MCTP2: variants seen among roughly 807,000 people sequenced by gnomAD.
MCTP2 encodes the protein multiple C2 and transmembrane domain-containing protein 2.
A neutral mutation model predicts 111.6 loss-of-function variants in MCTP2; 132 were observed. The observed-to-expected ratio is 1.18, with a 90% confidence interval of 1.03 to 1.37. MCTP2 has a LOEUF of 1.37. Among genes scored for constraint, MCTP2 ranks in the 40% most tolerant of loss-of-function variants. The probability of loss-of-function intolerance (pLI) is 0.00; values close to 1 mark genes in which losing one functional copy is unlikely to be tolerated. For synonymous variants in MCTP2, 395 were observed against 387.7 expected (o/e 1.02, Z -0.22); for missense variants, 1,183 against 1,067.9 (o/e 1.11, Z -1.50).
rs1450048196 is a variant in MCTP2, at chr15:94,385,529, A to G, written c.1788+4A>G. On this transcript the variant is annotated splice_donor_region_variant and intron_variant, in intron 14 of 22. Transcript: ENST00000357742. ...AGTTGCCATTCCCTTGCTGTCCGTA[A>G]GTTTCCTTTATTAATAAACAATTTG... 1 of 1,587,522 alleles carries G rather than the reference A, an allele frequency of 6.3e-7. No homozygotes were observed. The highest frequency in any genetic ancestry group is 1.3e-5 in the African/African-American group (1 of 74,352).
At chr15:94,245,529 TATAC>T (rs1464554899) in intron 1 of MCTP2, among the ~76,000 whole-genome samples, 10 of 142,122 alleles carry the variant, frequency 7.0e-5, no homozygotes, top group East Asian at 2.0e-4. Context: ...TATATATTTA[TATAC>T]ATACATGTAT....
In MCTP2 at chr15:94,281,371, A is replaced by G. The variant is rs188589165; in HGVS notation, c.-65-16830A>G. ...GTGCACTCTGTTTTGTCTGGAAAAA[A>G]ATAGGAACCCCTGCTTCTTTTGTTT... On this transcript the variant is annotated intron_variant, in intron 1 of 22. Transcript: ENST00000357742. Among the ~76,000 whole-genome samples the G allele has an allele frequency of 3.9e-5, 6 of 152,224 alleles. No homozygotes were observed. The East Asian group carries it at 1.2e-3, about 29-fold the overall frequency.
At chr15:94,418,978 A>G (rs1423115457) in intron 17 of MCTP2, among the ~76,000 whole-genome samples, 2 of 152,174 alleles carry the variant, frequency 1.3e-5, no homozygotes, top group East Asian at 3.8e-4. Flanking sequence ...TTTTATATGT[A>G]CTTTCTTTAA....
chr15:94,245,464 A>T (rs931607720), intron 1 of MCTP2, among the ~76,000 whole-genome samples: 1 of 140,028 alleles, frequency 7.1e-6, no homozygotes, highest in Admixed American at 7.4e-5. Flanking sequence ...ATGTATTTAT[A>T]TACATATATG....
intron 8 of MCTP2, among the ~76,000 whole-genome samples, chr15:94,349,457 A>G (rs2078178052): frequency 6.6e-6 from 1 of 152,196 alleles, no homozygotes; most frequent in African/African-American, 2.4e-5. Context: ...AGAAATGAGA[A>G]TTAGTGACGG....
chr15:94,354,172 C>A (rs1481711891), intron 8 of MCTP2, among the ~76,000 whole-genome samples: 3 of 151,892 alleles, frequency 2.0e-5, no homozygotes, highest in African/African-American at 7.3e-5. Flanking sequence ...GAGGATAGTT[C>A]TTTCTTTTTA....
At chr15:94,320,087 A>T (rs72767442) in intron 4 of MCTP2, among the ~76,000 whole-genome samples, 72,433 of 151,274 alleles carry the variant, frequency 0.48, 19,624 homozygotes, top group East Asian at 0.62. Flanking sequence ...GAAATGACTG[A>T]TCTGCTCTAT....
At chr15:94,402,680 C>T (rs944173849) in intron 17 of MCTP2, 2 of 1,487,914 alleles carry the variant, frequency 1.3e-6, no homozygotes, top group African/African-American at 2.8e-5. Context: ...CTTTATATCT[C>T]AGGGCATTTT....
chr15:94,410,143 C>G (rs192492237), intron 17 of MCTP2, among the ~76,000 whole-genome samples: 1 of 152,156 alleles, frequency 6.6e-6, no homozygotes, highest in Non-Finnish European at 1.5e-5. Context: ...TTACTGCTAT[C>G]TGATATAACT....
chr15:94,270,571 T>C (rs900351514), intron 1 of MCTP2, among the ~76,000 whole-genome samples: 1 of 152,100 alleles, frequency 6.6e-6, no homozygotes, highest in African/African-American at 2.4e-5. Flanking sequence ...TCTGGCTCTC[T>C]TCCAACCACA....
In MCTP2 at chr15:94,347,873, GTCTC is replaced by G. The variant is rs554879973; in HGVS notation, c.1005+2718_1005+2721del. On this transcript the variant is annotated intron_variant, in intron 8 of 22. Transcript: ENST00000357742. The stretch of plus-strand genomic sequence containing the variant: ...TGTGTTCAGAAACTGCACATATTCT[GTCTC>G]TCTCTCTCACACACACACAGACATA... 1.2e-3 allele frequency among the ~76,000 whole-genome samples: 177 copies of G among 148,296 alleles called. 1 individual carries two copies. Among genetic ancestry groups the G allele is most frequent in the East Asian group, 9.9e-4 (5 of 5,070 alleles).
chr15:94,298,041 A>T (rs150493812), intron 1 of MCTP2, among the ~76,000 whole-genome samples, 160 bp from the exon 2 acceptor site: 2,938 of 152,122 alleles, frequency 0.019, 66 homozygotes, highest in Admixed American at 0.059. Context: ...CCCAATATTT[A>T]TACAAGTTAC....
At chr15:94,398,144 C>T (rs2081374133) in intron 14 of MCTP2, among the ~76,000 whole-genome samples, 1 of 152,164 alleles carries the variant, frequency 6.6e-6, no homozygotes, top group South Asian at 2.1e-4. Context: ...CAAGAGAGGA[C>T]AGCAGAGAAA....
chr15:94,267,117 G>A lies in MCTP2; in HGVS notation c.-65-31084G>A, dbSNP rs575539082. On this transcript the variant is annotated intron_variant, in intron 1 of 22. Coordinates refer to ENST00000357742, the MANE Select transcript of MCTP2 (RefSeq NM_001385001.1). ...TAAAATCTATCCTTGTTAGGTAGATGGCTGTTGGAGTTTGAGAGATACGTG... is the reference window on the plus strand; with the variant it reads ...TAAAATCTATCCTTGTTAGGTAGATAGCTGTTGGAGTTTGAGAGATACGTG... Among the ~76,000 whole-genome samples, 72 of 152,324 alleles carry A rather than the reference G, an allele frequency of 4.7e-4. 1 individual carries two copies. The South Asian group carries it at 0.014, about 30-fold the overall frequency.
chr15:94,296,876 T>G (rs2075299631), intron 1 of MCTP2, among the ~76,000 whole-genome samples: 1 of 152,220 alleles, frequency 6.6e-6, no homozygotes, highest in South Asian at 2.1e-4. Context: ...GAGAAGCTCT[T>G]GTCATGCGCT....
intron 12 of MCTP2, among the ~76,000 whole-genome samples, chr15:94,373,632 A>T (rs960854943): frequency 6.6e-6 from 1 of 152,206 alleles, no homozygotes; most frequent in Non-Finnish European, 1.5e-5. Flanking sequence ...AAGAGAGAAG[A>T]CTTTATTCAA....
intron 4 of MCTP2, among the ~76,000 whole-genome samples, chr15:94,336,745 G>C (rs1045414045): frequency 1.3e-5 from 2 of 151,238 alleles, no homozygotes; most frequent in Admixed American, 1.3e-4. Context: ...ATATATGTGT[G>C]TGTATATATA....
chr15:94,408,467 G>A (rs1212005290), intron 17 of MCTP2, among the ~76,000 whole-genome samples: 2 of 152,012 alleles, frequency 1.3e-5, no homozygotes, highest in African/African-American at 4.8e-5. Context: ...TTTTCATGAA[G>A]GACTACATAA....
At chr15:94,295,688 A>T (rs2075242926) in intron 1 of MCTP2, among the ~76,000 whole-genome samples, 1 of 152,190 alleles carries the variant, frequency 6.6e-6, no homozygotes. Context: ...TCAGTTATTT[A>T]AATATTTTTT....
Sources: gnomAD v4.1 joint callset for allele counts (sites outside exome capture counted in the v4.1 genomes callset) on GRCh38, gnomAD v4.1.1 for gene constraint, MANE v1.5 for transcripts, NCBI Gene and HGNC (gene_info 2026-07-23, HGNC 2026-07-21) for gene names.